FBN1: variants seen among roughly 807,000 people sequenced by gnomAD.
FBN1 encodes the protein fibrillin-1.
FBN1 carries 29 observed loss-of-function variants against 365.1 expected under a neutral mutation model. The ratio of observed to expected loss-of-function variants is 0.08; its 90% confidence interval spans 0.06 to 0.11. The LOEUF (loss-of-function observed/expected upper bound fraction) is 0.11, where lower values mean the gene tolerates loss of function less well. Among genes scored for constraint, FBN1 ranks in the 10% least tolerant of loss-of-function variants. The probability of loss-of-function intolerance (pLI) is 1.00; values close to 1 mark genes in which losing one functional copy is unlikely to be tolerated. For synonymous variants in FBN1, 1,210 were observed against 1,270.5 expected (o/e 0.95, Z 1.01); for missense variants, 2,476 against 3,703.2 (o/e 0.67, Z 8.60).
intron 2 of FBN1, among the ~76,000 whole-genome samples, chr15:48,636,317 A>G (rs1018010188): frequency 2.6e-5 from 4 of 152,196 alleles, no homozygotes; most frequent in Non-Finnish European, 5.9e-5. Context: ...CTGAGACTAT[A>G]TAAAGGAGAA....
intron 10 of FBN1, 112 bp downstream of exon 10, chr15:48,520,547 C>T: frequency 7.9e-7 from 1 of 1,260,282 alleles, no homozygotes; most frequent in Non-Finnish European, 1.1e-6. Context: ...CTTATATTTC[C>T]TGGAGACTAC....
chr15:48,425,243 A>C, intron 60 of FBN1, 126 bp downstream of exon 60: 1 of 1,279,214 alleles, frequency 7.8e-7, no homozygotes, highest in South Asian at 1.2e-5. Context: ...TGGAGGCATT[A>C]ACCCCAGGGA....
chr15:48,430,578 AAG>A (rs1177851356), intron 56 of FBN1, 91 bp downstream of exon 56: 23 of 1,483,834 alleles, frequency 1.6e-5, no homozygotes, highest in Non-Finnish European at 2.0e-5. Flanking sequence ...GGGTCTCGCC[AAG>A]AACAGTATCC....
Position 48,534,066 on chromosome 15 carries a change from A to C in FBN1, c.862+14T>G. On this transcript the variant is annotated intron_variant, in intron 8 of 65. Transcript: ENST00000316623. Reference sequence around the variant, plus strand: ...CCACTACACCCCCCAACTGCAAAGCATAAGATTTCTTACCTTCACATTTTT... The same window carrying C: ...CCACTACACCCCCCAACTGCAAAGCCTAAGATTTCTTACCTTCACATTTTT... 2.5e-6 allele frequency: 4 copies of C among 1,597,424 alleles called. No individual in the cohort carries two copies. The highest frequency in any genetic ancestry group is 3.4e-6 in the Non-Finnish European group (4 of 1,169,634).
intron 6 of FBN1, among the ~76,000 whole-genome samples, chr15:48,548,045 C>G (rs1244820673): frequency 6.6e-6 from 1 of 152,194 alleles, no homozygotes; most frequent in Non-Finnish European, 1.5e-5. Flanking sequence ...AATTCATCAA[C>G]AAGAGAAGAT....
At chr15:48,463,566 C>T (rs1021594389) in intron 41 of FBN1, among the ~76,000 whole-genome samples, 3 of 152,206 alleles carry the variant, frequency 2.0e-5, no homozygotes, top group African/African-American at 4.8e-5. Context: ...ATAAGTTTCT[C>T]GTTTCCGACT....
chr15:48,627,511 A>G (rs1055949184), intron 2 of FBN1, among the ~76,000 whole-genome samples: 4 of 152,228 alleles, frequency 2.6e-5, no homozygotes, highest in African/African-American at 9.6e-5. Context: ...ACACTTCAAC[A>G]TGGGTGTGGC....
At chr15:48,603,942 T>C (rs1482314091) in intron 4 of FBN1, among the ~76,000 whole-genome samples, 2 of 152,170 alleles carry the variant, frequency 1.3e-5, no homozygotes, top group South Asian at 2.1e-4. Flanking sequence ...CCCATATCCA[T>C]AAAAGATCCC....
chr15:48,495,592 A>G lies in FBN1; in HGVS notation c.2420-4T>C. On this transcript the variant is annotated splice_polypyrimidine_tract_variant and splice_region_variant and intron_variant, in intron 20 of 65. Transcript: ENST00000316623. Reference sequence around the variant, plus strand: ...CTTGATTCGCATTCATCAATGTCTGAAACAAAAACAGGTCTACATTACTGC... The same window carrying G: ...CTTGATTCGCATTCATCAATGTCTGGAACAAAAACAGGTCTACATTACTGC... The G allele has an allele frequency of 6.2e-7, 1 of 1,614,104 alleles. No individual in the cohort carries two copies. Among genetic ancestry groups the G allele is most frequent in the South Asian group, 1.1e-5 (1 of 91,078 alleles).
intron 54 of FBN1, among the ~76,000 whole-genome samples, chr15:48,434,038 C>T (rs2043043967): frequency 6.6e-6 from 1 of 152,156 alleles, no homozygotes; most frequent in African/African-American, 2.4e-5. Context: ...TCCTGGGAAC[C>T]ACCCTTTGAG....
intron 60 of FBN1, among the ~76,000 whole-genome samples, chr15:48,423,974 C>T (rs1411258973): frequency 6.6e-6 from 1 of 151,894 alleles, no homozygotes; most frequent in Non-Finnish European, 1.5e-5. Flanking sequence ...AATTTTCTGC[C>T]CCCAGAGGTT....
intron 5 of FBN1, among the ~76,000 whole-genome samples, chr15:48,598,530 C>T (rs2044533312): frequency 1.3e-5 from 2 of 152,104 alleles, no homozygotes; most frequent in African/African-American, 4.8e-5. Flanking sequence ...ACCTTACTTC[C>T]TTTCCCCTCA....
At chr15:48,415,435 A>G in intron 64 of FBN1, 101 bp downstream of exon 64, 1 of 909,254 alleles carries the variant, frequency 1.1e-6, no homozygotes, top group South Asian at 1.4e-5. Context: ...TACAAAAAGC[A>G]TGGTTCTCCT....
chr15:48,566,995 CAG>C (rs1319203542), intron 6 of FBN1, among the ~76,000 whole-genome samples: 1 of 152,170 alleles, frequency 6.6e-6, no homozygotes, highest in Non-Finnish European at 1.5e-5. Context: ...GATGGAAATG[CAG>C]AGACTCAGGC....
Position 48,427,585 on chromosome 15 carries a change from A to G in FBN1, c.7186T>C (p.Phe2396Leu), listed in dbSNP as rs530362771. ...FKKLCPHGRGFMTNGADIDEC... is the reference protein window; with the variant it reads ...FKKLCPHGRGLMTNGADIDEC... ...GAAGTACCTGCTCCATTGGTCATGA[A>G]TCCTCGGCCATGGGGACAGAGTTTC... Residue 2396 changes from phenylalanine (F) to leucine (L), a missense_variant, in exon 58 of 66, where the codon TTC (phenylalanine) becomes CTC (leucine). Physicochemically the swap from Phe to Leu is conservative, Grantham distance 22 (BLOSUM62 0). Coordinates refer to ENST00000316623, the MANE Select transcript of FBN1 (RefSeq NM_000138.5). The G allele has an allele frequency of 2.5e-6, 4 of 1,614,056 alleles. No individual in the cohort carries two copies. Among genetic ancestry groups the G allele is most frequent in the Admixed American group, 3.3e-5 (2 of 60,010 alleles).
chr15:48,478,349 C>T (rs373918641), intron 32 of FBN1, among the ~76,000 whole-genome samples: 2 of 152,292 alleles, frequency 1.3e-5, no homozygotes, highest in South Asian at 2.1e-4. Context: ...TGATTCTCTC[C>T]TATGAACCAA....
intron 4 of FBN1, among the ~76,000 whole-genome samples, chr15:48,609,991 G>T (rs1375162945): frequency 1.3e-5 from 2 of 152,164 alleles, no homozygotes; most frequent in Non-Finnish European, 2.9e-5. Flanking sequence ...AATAAGGGGG[G>T]TGCATTTTCT....
chr15:48,534,187 G>T lies in FBN1; in HGVS notation c.755C>A (p.Ala252Asp), dbSNP rs1410263702. ...TCCTCCCTGACAGAGCCCGGGGATG[G>T]CCTGGCATTCATCCACATCTGTCAG... ...GACQDVDECQ[A>D]IPGLCQGGNC... Residue 252 changes from alanine (A) to aspartate (D), a missense_variant, in exon 8 of 66, where the codon GCC becomes GAC. Physicochemically the swap from Ala to Asp is moderately radical, Grantham distance 126 (BLOSUM62 -2). This residue lies in a region of FBN1 where 421 missense variants were observed against 520.1 expected (regional missense o/e 0.81). Transcript: ENST00000316623. 4 of 1,612,876 alleles carry T rather than the reference G, an allele frequency of 2.5e-6. No individual in the cohort carries two copies. The East Asian group carries it at 8.9e-5, about 36-fold the overall frequency.
chr15:48,590,004 T>A (rs1157493246), intron 6 of FBN1, among the ~76,000 whole-genome samples: 1 of 152,244 alleles, frequency 6.6e-6, no homozygotes, highest in African/African-American at 2.4e-5. Context: ...TTACTGCCTT[T>A]TGCTTTTGGA....
Sources: gnomAD v4.1 joint callset for allele counts (sites outside exome capture counted in the v4.1 genomes callset) on GRCh38, gnomAD v4.1.1 for gene constraint, gnomAD v4.1.1 regional missense constraint, MANE v1.5 for transcripts, NCBI Gene and HGNC (gene_info 2026-07-23, HGNC 2026-07-21) for gene names.